ROBO3: variants seen among roughly 807,000 people sequenced by gnomAD.
ROBO3 encodes the protein roundabout homolog 3.
A neutral mutation model predicts 160.5 loss-of-function variants in ROBO3; 97 were observed. The ratio of observed to expected loss-of-function variants is 0.60; its 90% CI spans 0.51 to 0.72. The LOEUF (loss-of-function observed/expected upper bound fraction) is 0.72, where lower values mean the gene tolerates loss of function less well. ROBO3 is among the 30% of genes least tolerant of loss of function. The probability of loss-of-function intolerance (pLI) is 0.00; values close to 1 mark genes in which losing one functional copy is unlikely to be tolerated. For missense variants in ROBO3, 1,858 were observed against 1,846.5 expected (o/e 1.01, Z -0.11); for synonymous variants, 780 against 746.2 (o/e 1.05, Z -0.74).
rs1229280289 is a variant in ROBO3, at chr11:124,871,124, A to G, written c.1144A>G (p.Lys382Glu). 3 of 1,613,136 alleles carry G rather than the reference A, an allele frequency of 1.9e-6. No homozygotes were observed. Among genetic ancestry groups the G allele is most frequent in the Non-Finnish European group, 2.5e-6 (3 of 1,179,448 alleles). ...GNPPPAIFWQKEGSQVLLFPS... is the reference protein window; with the variant it reads ...GNPPPAIFWQEEGSQVLLFPS... Reference sequence around the variant, plus strand: ...CCCCCCACCTGCCATCTTCTGGCAGAAGGAGGGGAGTCAGGTGGGTGGCCA... The same window carrying G: ...CCCCCCACCTGCCATCTTCTGGCAGGAGGAGGGGAGTCAGGTGGGTGGCCA... The change falls in exon 7 of 28, where the codon AAG (lysine) becomes GAG (glutamate). Residue 382 changes from lysine (K) to glutamate (E), a missense_variant. Lys to Glu is a moderately conservative substitution (Grantham distance 56). Coordinates refer to ENST00000397801, the MANE Select transcript of ROBO3 (RefSeq NM_022370.4).
In ROBO3 at chr11:124,869,831, T is replaced by A; in HGVS notation, c.646-117T>A. 2 of 1,428,206 alleles carry A rather than the reference T, an allele frequency of 1.4e-6. No homozygotes were observed. The highest frequency in any genetic ancestry group is 2.8e-5 in the African/African-American group (2 of 70,640). 88.5% of individuals were successfully genotyped at this position (1,428,206 alleles called of 1,614,324 possible). ...GGGTCAACTTCCTTGGTCTCCTTTA[T>A]CAGCTTGCTGTGAGGATCAAATAAA... On this transcript the variant is annotated intron_variant, in intron 3 of 27. Transcript: ENST00000397801. This position sits in a 1 kb window ranked among gnomAD's most constrained non-coding sequence, Gnocchi z 4.2.
chr11:124,872,666 C>G lies in ROBO3; in HGVS notation c.1330+114C>G. 8.6e-7 allele frequency: 1 copy of G among 1,167,172 alleles called. No individual in the cohort carries two copies. Among genetic ancestry groups the G allele is most frequent in the Non-Finnish European group, 1.2e-6 (1 of 840,212 alleles). 72.3% of individuals were successfully genotyped at this position (1,167,172 alleles called of 1,614,324 possible). A position where few individuals can be genotyped will look rare whatever the true frequency, so the allele number is the denominator to read the frequency against. ...ATGTCTGCAAGAGGAGAGATGTGTTCCTGAGGCATGACCTTGAAGTTTGGA... is the reference window on the plus strand; with the variant it reads ...ATGTCTGCAAGAGGAGAGATGTGTTGCTGAGGCATGACCTTGAAGTTTGGA... On this transcript the variant is annotated intron_variant, in intron 8 of 27. Transcript: ENST00000397801. The surrounding 1 kb of genome is among the most constrained non-coding windows in gnomAD (Gnocchi z 4.3).
intron 14 of ROBO3, 82 bp from the exon 15 acceptor site, chr11:124,875,482 C>T (rs1946344475): frequency 6.3e-7 from 1 of 1,587,228 alleles, no homozygotes; most frequent in Non-Finnish European, 8.6e-7. Context: ...GATGTTAGAA[C>T]AGGGAGGGGG....
chr11:124,877,311 T>C lies in ROBO3; in HGVS notation c.2846+2T>C. The stretch of plus-strand genomic sequence containing the variant: ...GGGCCTCTCTGGAGCCAGTTCCAGG[T>C]AATTCTCTTAGCCCATTTCCTCAGG... On this transcript the variant is annotated splice_donor_variant, in intron 19 of 27. Coordinates refer to ENST00000397801, the MANE Select transcript of ROBO3 (RefSeq NM_022370.4). LOFTEE classifies it high-confidence loss of function. 1 of 1,613,808 alleles carries C rather than the reference T, an allele frequency of 6.2e-7. No homozygotes were observed. The highest frequency in any genetic ancestry group is 8.5e-7 in the Non-Finnish European group (1 of 1,179,816).
chr11:124,879,767 G>A lies in ROBO3; in HGVS notation c.3797-20G>A, dbSNP rs1477297429. On this transcript the variant is annotated intron_variant, in intron 25 of 27. Coordinates refer to ENST00000397801, the MANE Select transcript of ROBO3 (RefSeq NM_022370.4). ...GACAGGAGTGGCAGGAGGCTCCGCT[G>A]AAAACAGCTCCCTCCCCAGACTTGC... 1.2e-6 allele frequency: 2 copies of A among 1,612,014 alleles called. No individual in the cohort carries two copies. Among genetic ancestry groups the A allele is most frequent in the Non-Finnish European group, 1.7e-6 (2 of 1,179,270 alleles).
In ROBO3 at chr11:124,877,676, C is replaced by T; in HGVS notation, c.2986+18C>T. The T allele has an allele frequency of 6.2e-7, 1 of 1,608,752 alleles. No individual in the cohort carries two copies. Among genetic ancestry groups the T allele is most frequent in the Non-Finnish European group, 8.5e-7 (1 of 1,177,748 alleles). Reference sequence around the variant, plus strand: ...TTACAACGGTGAGGAGTTCTCATTCCCTCACCTGGCTTCAGCGCACTTCTC... The same window carrying T: ...TTACAACGGTGAGGAGTTCTCATTCTCTCACCTGGCTTCAGCGCACTTCTC... On this transcript the variant is annotated intron_variant, in intron 20 of 27. Transcript: ENST00000397801.
Position 124,874,925 on chromosome 11 carries a change from G to C in ROBO3, c.2073+16G>C, listed in dbSNP as rs766347762. 3.1e-6 allele frequency: 5 copies of C among 1,601,210 alleles called. No homozygotes were observed. The East Asian group carries it at 1.1e-4, about 36-fold the overall frequency. ...GTCCTGGACTGTGAGTGTGGTATGG[G>C]GAGGAGATTCAGGGTGGGGATGATT... On this transcript the variant is annotated intron_variant, in intron 13 of 27. Coordinates refer to ENST00000397801, the MANE Select transcript of ROBO3 (RefSeq NM_022370.4).
In ROBO3 at chr11:124,868,314, T is replaced by A. The variant is rs183191391; in HGVS notation, c.161-488T>A. ...ATAAGGGATCCCAAGCCAGTCCACA[T>A]TCCCAATTTCACTGAGCCAGGACCT... On this transcript the variant is annotated intron_variant, in intron 1 of 27. Coordinates refer to ENST00000397801, the MANE Select transcript of ROBO3 (RefSeq NM_022370.4). Among the ~76,000 whole-genome samples the A allele has an allele frequency of 7.7e-4, 118 of 152,320 alleles. 1 individual carries two copies. The highest frequency in any genetic ancestry group is 2.7e-3 in the African/African-American group (112 of 41,578).
chr11:124,868,005 T>A (rs1414411507), intron 1 of ROBO3, among the ~76,000 whole-genome samples: 1 of 152,062 alleles, frequency 6.6e-6, no homozygotes, highest in African/African-American at 2.4e-5. Context: ...GCAGGCCAAG[T>A]GACAGGTAGG....
At position 124,873,529 on chromosome 11, in the gene ROBO3, A is replaced by C; in HGVS notation, c.1618+138A>C. 9.8e-7 allele frequency: 1 copy of C among 1,021,150 alleles called. No individual in the cohort carries two copies. The highest frequency in any genetic ancestry group is 1.6e-5 in the African/African-American group (1 of 63,004). The allele number at this position is 1,021,150 out of a possible 1,614,324, so 63.3% of individuals were successfully genotyped here. On this transcript the variant is annotated intron_variant, in intron 10 of 27. Coordinates refer to ENST00000397801, the MANE Select transcript of ROBO3 (RefSeq NM_022370.4). This position sits in a 1 kb window ranked among gnomAD's most constrained non-coding sequence, Gnocchi z 4.5. ...GGTTACGGTGGTGAGGATGAGAAGG[A>C]CAGTAGTGGTACCCATGGGAGGCAG...
intron 12 of ROBO3, 109 bp from the exon 13 acceptor site, chr11:124,874,679 G>A (rs889239578): frequency 2.0e-5 from 26 of 1,293,618 alleles, no homozygotes; most frequent in Admixed American, 2.8e-5. Context: ...ACCATGGGGT[G>A]TGCTCTGGAG....
Position 124,880,580 on chromosome 11 carries a change from G to T in ROBO3, c.4121G>T (p.Ser1374Ile). 2 of 1,551,234 alleles carry T rather than the reference G, an allele frequency of 1.3e-6. No individual in the cohort carries two copies. The highest frequency in any genetic ancestry group is 8.7e-7 in the Non-Finnish European group (1 of 1,147,252). ...SRSRSQSRSQ[S>I]QRPGQKRREE... ...AGTCGGAGTCAGAGCCGGAGCCAGA[G>T]CCAAAGGCCAGGACAGAAACGCCGA... Residue 1374 changes from serine to isoleucine, a missense_variant, in exon 27 of 28, where the codon AGC (serine) becomes ATC (isoleucine). By Grantham distance (142) the Ser-to-Ile change is moderately radical (BLOSUM62 -2). Coordinates refer to ENST00000397801, the MANE Select transcript of ROBO3 (RefSeq NM_022370.4).
chr11:124,875,523 G>A (rs1366473366), intron 14 of ROBO3, 41 bp from the exon 15 acceptor site: 2 of 1,606,102 alleles, frequency 1.2e-6, no homozygotes, highest in Non-Finnish European at 1.7e-6. Flanking sequence ...AGCTTGCAAT[G>A]ACTATTTGTG....
At position 124,872,602 on chromosome 11, in the gene ROBO3, TGG is replaced by T; in HGVS notation, c.1330+51_1330+52del. On this transcript the variant is annotated intron_variant, in intron 8 of 27. Transcript: ENST00000397801. This position sits in a 1 kb window ranked among gnomAD's most constrained non-coding sequence, Gnocchi z 4.3. Reference sequence around the variant, plus strand: ...GGATCCATGGCTTGGGAGGAAATAATGGCCTAAAGTGATGTGTTTCTCTTGGA... The same window carrying T: ...GGATCCATGGCTTGGGAGGAAATAATCCTAAAGTGATGTGTTTCTCTTGGA... The T allele has an allele frequency of 6.5e-7, 1 of 1,540,912 alleles. No individual in the cohort carries two copies. Among genetic ancestry groups the T allele is most frequent in the Non-Finnish European group, 8.9e-7 (1 of 1,125,250 alleles).
rs1236420402 is a variant in ROBO3, at chr11:124,869,070, C to A, written c.429C>A (p.Cys143Ter). The stretch of plus-strand genomic sequence containing the variant: ...GGCCGGACGAAGGTGTCTACACTTG[C>A]GTGGCTCGCAACTACCTGGGGGCAG... The part of the protein sequence containing the change: ...RARPDEGVYT[C>*]VARNYLGAAA... Residue 143 changes from cysteine (C) to a stop codon, truncating the protein, a stop_gained, in exon 2 of 28, where the codon TGC (cysteine) becomes TGA (stop). Transcript: ENST00000397801. LOFTEE classifies it high-confidence loss of function. This position sits in a 1 kb window ranked among gnomAD's most constrained non-coding sequence, Gnocchi z 4.2. The A allele has an allele frequency of 6.3e-7, 1 of 1,598,494 alleles. No homozygotes were observed. Among genetic ancestry groups the A allele is most frequent in the Non-Finnish European group, 8.5e-7 (1 of 1,172,552 alleles).
In ROBO3 at chr11:124,869,437, C is replaced by CT; in HGVS notation, c.488-13_488-12insT. 1 of 1,435,992 alleles carries CT rather than the reference C, an allele frequency of 7.0e-7. No individual in the cohort carries two copies. Among genetic ancestry groups the CT allele is most frequent in the Non-Finnish European group, 9.6e-7 (1 of 1,046,448 alleles). The allele number at this position is 1,435,992 out of a possible 1,614,324, so 89.0% of individuals were successfully genotyped here. On this transcript the variant is annotated splice_polypyrimidine_tract_variant and intron_variant, in intron 2 of 27. Coordinates refer to ENST00000397801, the MANE Select transcript of ROBO3 (RefSeq NM_022370.4). This position sits in a 1 kb window ranked among gnomAD's most constrained non-coding sequence, Gnocchi z 4.2. ...TACACCCTGCTTATTTCGCCCCCCA[C>CT]CGCCCCGCCCAGTCCTCCGTGATGA...
At position 124,875,263 on chromosome 11, in the gene ROBO3, C is replaced by T; in HGVS notation, c.2226C>T (p.Ile742=). Reference sequence around the variant, plus strand: ...TCCCTCCAGGGACCCAAATCCAGATCAAGGTGCAAGCCCAAGGCCAGGAGG... The same window carrying T: ...TCCCTCCAGGGACCCAAATCCAGATTAAGGTGCAAGCCCAAGGCCAGGAGG... ...RGLPPGTQIQ[I]KVQAQGQEGL... is the part of the protein sequence containing the mutation. Residue 742 remains isoleucine (I), a synonymous_variant, in exon 14 of 28, where the codon ATC becomes ATT. Transcript: ENST00000397801. The T allele has an allele frequency of 1.2e-6, 2 of 1,613,530 alleles. No individual in the cohort carries two copies. The highest frequency in any genetic ancestry group is 1.7e-6 in the Non-Finnish European group (2 of 1,179,768).
rs1170289497 is a variant in ROBO3 at position 124,870,220 on chromosome 11, T to A, written c.822T>A (p.Pro274=). 6.2e-7 allele frequency: 1 copy of A among 1,614,052 alleles called. No homozygotes were observed. The part of the protein sequence containing the change: ...PVNQVVLADA[P]VTFLCEVKGD... ...ATCAGGTGGTCCTGGCTGATGCCCC[T>A]GTGACTTTCCTATGTGAGGTGAAGG... Residue 274 remains proline (P), a synonymous_variant, in exon 5 of 28, where the codon CCT becomes CCA. Coordinates refer to ENST00000397801, the MANE Select transcript of ROBO3 (RefSeq NM_022370.4).
Position 124,870,020 on chromosome 11 carries a change from A to G in ROBO3, c.718A>G (p.Asn240Asp). ...AGGCATGTATGTGTGCGTAGCCTCC[A>G]ACATGGCGGGAGAACGGGAGAGTGC... ...DAGMYVCVAS[N>D]MAGERESAAA... The change falls in exon 4 of 28, where the codon AAC becomes GAC. Residue 240 changes from asparagine to aspartate, a missense_variant. Asn to Asp is a conservative substitution (Grantham distance 23). Coordinates refer to ENST00000397801, the MANE Select transcript of ROBO3 (RefSeq NM_022370.4). 1 of 1,614,066 alleles carries G rather than the reference A, an allele frequency of 6.2e-7. No homozygotes were observed. Among genetic ancestry groups the G allele is most frequent in the East Asian group, 2.2e-5 (1 of 44,878 alleles).
Sources: gnomAD v4.1 joint callset for allele counts (sites outside exome capture counted in the v4.1 genomes callset) on GRCh38, gnomAD v4.1.1 for gene constraint, Gnocchi (gnomAD v3.1) non-coding constraint, MANE v1.5 for transcripts, NCBI Gene and HGNC (gene_info 2026-07-23, HGNC 2026-07-21) for gene names.